The following NPC1 variants were observed in gnomAD, a reference collection of about 807,000 sequenced individuals.
NPC1 encodes NPC intracellular cholesterol transporter 1.
Under a neutral mutation model 140.4 loss-of-function variants are expected in NPC1, and 85 were observed. The ratio of observed to expected loss-of-function variants is 0.61; its 90% CI spans 0.51 to 0.72. The LOEUF (loss-of-function observed/expected upper bound fraction) is 0.72. Ranked by LOEUF, NPC1 falls within the 30% of genes least tolerant of loss-of-function variation. The pLI is 0.00. For missense variants in NPC1, 1,504 were observed against 1,623.8 expected, an observed-to-expected ratio of 0.93 and a Z score of 1.27; for synonymous variants, 656 against 624.8, an observed-to-expected ratio of 1.05 and a Z score of -0.74.
At chr18:23,523,560 A>G (rs188988952) in intron 1 of NPC1, among the ~76,000 whole-genome samples, 1,732 of 148,876 alleles carry the variant, frequency 0.012, 38 homozygotes, top group African/African-American at 0.042. Context: ...AAAAAAAAAA[A>G]AAAAAAAAAG....
chr18:23,514,777 A>T (rs1446141599), intron 3 of NPC1, among the ~76,000 whole-genome samples: 1 of 152,176 alleles, frequency 6.6e-6, no homozygotes, highest in Non-Finnish European at 1.5e-5. Flanking sequence ...CAGATCTTCA[A>T]GAAAAAAGTT....
At chr18:23,524,164 A>G (rs1305727674) in intron 1 of NPC1, 4 of 1,613,806 alleles carry the variant, frequency 2.5e-6, no homozygotes, top group Admixed American at 1.7e-5. Context: ...CTCCTGTTCC[A>G]TGTAAACTCT....
chr18:23,568,889 C>A lies in NPC1; in HGVS notation c.397G>T (p.Val133Phe). ...VTATEDYVDPVTNQTKTNVKE... is the reference protein window; with the variant it reads ...VTATEDYVDPFTNQTKTNVKE... ...ACATTTGTTTTCGTCTGGTTTGTAA[C>A]AGGATCAACATAATCTTCAGTAGCT... Residue 133 changes from valine to phenylalanine, a missense_variant, in exon 4 of 25, where the codon GTT (valine) becomes TTT (phenylalanine). By Grantham distance (50) the Val-to-Phe change is conservative. Coordinates refer to ENST00000269228, the MANE Select transcript of NPC1 (RefSeq NM_000271.5). The A allele has an allele frequency of 6.2e-7, 1 of 1,613,960 alleles. No homozygotes were observed. The highest frequency in any genetic ancestry group is 1.1e-5 in the South Asian group (1 of 91,086).
intron 6 of NPC1, among the ~76,000 whole-genome samples, chr18:23,557,988 T>C (rs1247814702): frequency 1.3e-5 from 2 of 152,112 alleles, no homozygotes; most frequent in East Asian, 1.9e-4. Context: ...TAAATGACAG[T>C]GTTGGATACA....
intron 3 of NPC1, chr18:23,516,268 A>T: frequency 6.3e-7 from 1 of 1,577,794 alleles, no homozygotes; most frequent in Non-Finnish European, 8.7e-7. Context: ...GGAATGATGA[A>T]ACATTGAAGG....
chr18:23,541,747 T>C (rs1388219906), intron 14 of NPC1, among the ~76,000 whole-genome samples: 1 of 152,192 alleles, frequency 6.6e-6, no homozygotes, highest in Non-Finnish European at 1.5e-5. Flanking sequence ...ATACAGGCCA[T>C]TTCTTATAGT....
chr18:23,510,609 T>C (rs1303859911), intron 3 of NPC1, among the ~76,000 whole-genome samples: 1 of 151,686 alleles, frequency 6.6e-6, no homozygotes, highest in Admixed American at 6.6e-5. Flanking sequence ...ATGGTGCCAC[T>C]GCACTCCAGC....
At chr18:23,534,644 T>G in intron 22 of NPC1, 85 bp from the exon 23 acceptor site, 1 of 1,032,554 alleles carries the variant, frequency 9.7e-7, no homozygotes, top group African/African-American at 1.6e-5. Flanking sequence ...GGGTGCTAAT[T>G]ACCCAGGGCA....
At chr18:23,531,399 T>A, downstream of NPC1, 1 of 819,016 alleles carries the variant, frequency 1.2e-6, no homozygotes, top group Non-Finnish European at 1.8e-6. Flanking sequence ...TCTAGCTCAA[T>A]GTAAGACGGC....
In NPC1 at chr18:23,556,287, C is replaced by T; in HGVS notation, c.1282G>A (p.Asp428Asn). The change falls in exon 8 of 25, where the codon GAT (aspartate) becomes AAT (asparagine). Residue 428 changes from aspartate (D) to asparagine (N), a missense_variant. Coordinates refer to ENST00000269228, the MANE Select transcript of NPC1 (RefSeq NM_000271.5). ...HIYQPYPSGADVPFGPPLDIQ... is the reference protein window; with the variant it reads ...HIYQPYPSGANVPFGPPLDIQ... ...TCAAGCGGAGGTCCAAAGGGTACAT[C>T]AGCTCCCGAAGGGTATGGCTGGTAA... is the stretch of plus-strand genomic sequence containing the variant. The T allele has an allele frequency of 6.2e-7, 1 of 1,614,134 alleles. No homozygotes were observed. The highest frequency in any genetic ancestry group is 8.5e-7 in the Non-Finnish European group (1 of 1,180,020).
chr18:23,568,188 A>T (rs1342567723), intron 4 of NPC1, among the ~76,000 whole-genome samples: 3 of 152,250 alleles, frequency 2.0e-5, no homozygotes, highest in African/African-American at 4.8e-5. Flanking sequence ...TCCACTTTCC[A>T]TACATGCAGG....
intron 4 of NPC1, among the ~76,000 whole-genome samples, chr18:23,562,331 T>C (rs1224770069): frequency 2.0e-5 from 3 of 151,872 alleles, no homozygotes; most frequent in African/African-American, 7.3e-5. Flanking sequence ...CTAATACTGT[T>C]ATCTTTTTGG....
chr18:23,575,935 AACAACAGGCCGGGC>A (rs2059271017), intron 1 of NPC1, among the ~76,000 whole-genome samples: 1 of 151,916 alleles, frequency 6.6e-6, no homozygotes, highest in Admixed American at 6.6e-5. Context: ...AAACAACAAC[AACAACAGGCCGGGC>A]ACGGTGGCTC....
intron 6 of NPC1, among the ~76,000 whole-genome samples, chr18:23,558,821 A>C (rs1244236514): frequency 6.6e-6 from 1 of 152,090 alleles, no homozygotes; most frequent in Non-Finnish European, 1.5e-5. Context: ...TGTTGTACCC[A>C]TTAACTCGTC....
rs776873102 is a variant in NPC1 at position 23,541,404 on chromosome 18, T to C, written c.2275A>G (p.Thr759Ala). 6 of 1,614,056 alleles carry C rather than the reference T, an allele frequency of 3.7e-6. No individual in the cohort carries two copies. The African/African-American group carries it at 6.7e-5, about 18-fold the overall frequency. ...GCCAATCCCGCAAAGAGAGAGAAGG[T>C]GTGCACGGCTGGCATCACGGACAAT... is the stretch of plus-strand genomic sequence containing the variant. ...GALSVMPAVHTFSLFAGLAVF... is the reference protein window; with the variant it reads ...GALSVMPAVHAFSLFAGLAVF... The change falls in exon 15 of 25, where the codon ACC (threonine) becomes GCC (alanine). Residue 759 changes from threonine to alanine, a missense_variant. By Grantham distance (58) the Thr-to-Ala change is moderately conservative (BLOSUM62 0). Coordinates refer to ENST00000269228, the MANE Select transcript of NPC1 (RefSeq NM_000271.5).
intron 1 of NPC1, among the ~76,000 whole-genome samples, chr18:23,577,391 A>C (rs1389778145): frequency 6.6e-6 from 1 of 150,690 alleles, no homozygotes; most frequent in African/African-American, 2.5e-5. Context: ...ACAATCCTTG[A>C]GCTAGACATA....
downstream of NPC1, chr18:23,520,385 G>A (rs530761359): frequency 1.6e-6 from 2 of 1,256,928 alleles, no homozygotes; most frequent in East Asian, 5.0e-5. Context: ...ATGATCTTTG[G>A]GAGTCACGTT....
At chr18:23,545,771 T>C (rs1392819846) in intron 11 of NPC1, among the ~76,000 whole-genome samples, 1 of 152,152 alleles carries the variant, frequency 6.6e-6, no homozygotes, top group Non-Finnish European at 1.5e-5. Context: ...TTAAAAATTT[T>C]TTGTAGAGAT....
intron 1 of NPC1, among the ~76,000 whole-genome samples, chr18:23,523,776 G>A (rs1013417462): frequency 2.6e-5 from 4 of 152,044 alleles, no homozygotes; most frequent in Non-Finnish European, 5.9e-5. Context: ...AACATTCTCC[G>A]TGGATGATCT....
Sources: gnomAD v4.1 joint callset for allele counts (sites outside exome capture counted in the v4.1 genomes callset) on GRCh38, gnomAD v4.1.1 for gene constraint, MANE v1.5 for transcripts, NCBI Gene and HGNC (gene_info 2026-07-23, HGNC 2026-07-21) for gene names.